Variants in NLGN1 observed in about 807,000 individuals in gnomAD.
NLGN1 encodes the protein neuroligin-1.
NLGN1 carries 12 observed loss-of-function variants against 65.5 expected under a neutral mutation model. The observed-to-expected ratio is 0.18, with a 90% confidence interval of 0.12 to 0.30. The LOEUF (loss-of-function observed/expected upper bound fraction) is 0.30, where lower values mean the gene tolerates loss of function less well. Ranked by LOEUF, NLGN1 falls within the 10% of genes least tolerant of loss-of-function variation. NLGN1 has a pLI of 1.00. For missense variants in NLGN1, 750 were observed against 1,007.1 expected (o/e 0.74, Z 3.46); for synonymous variants, 350 against 359.5 (o/e 0.97, Z 0.30).
At chr3:173,822,706 T>A (rs1434990339) in intron 4 of NLGN1, among the ~76,000 whole-genome samples, 1 of 152,094 alleles carries the variant, frequency 6.6e-6, no homozygotes, top group African/African-American at 2.4e-5. Flanking sequence ...GAAATCTGAA[T>A]CAATGGGTTT....
intron 4 of NLGN1, among the ~76,000 whole-genome samples, chr3:174,145,253 G>A (rs759194225): frequency 3.3e-5 from 5 of 151,990 alleles, no homozygotes; most frequent in Admixed American, 2.6e-4. Context: ...AGTGTCTCAC[G>A]CCTGTAATCA....
chr3:173,420,695 A>G (rs569564405), intron 1 of NLGN1, among the ~76,000 whole-genome samples: 1 of 152,286 alleles, frequency 6.6e-6, no homozygotes, highest in South Asian at 2.1e-4. Flanking sequence ...AGTCCCACCA[A>G]CAGTGTAGTG....
At chr3:173,488,741 T>G (rs1327249129) in intron 2 of NLGN1, among the ~76,000 whole-genome samples, 3 of 152,044 alleles carry the variant, frequency 2.0e-5, no homozygotes, top group Non-Finnish European at 4.4e-5. Flanking sequence ...GGTCTAAGGT[T>G]TGATCTTATT....
chr3:173,807,565 T>C, intron 3 of NLGN1, 115 bp from the exon 4 acceptor site: 1 of 1,195,116 alleles, frequency 8.4e-7, no homozygotes, highest in Admixed American at 2.3e-5. Context: ...AAAACAGCAG[T>C]TTAAGAACTA....
intron 4 of NLGN1, among the ~76,000 whole-genome samples, chr3:173,819,111 T>G (rs1719650882): frequency 6.6e-6 from 1 of 152,068 alleles, no homozygotes; most frequent in Non-Finnish European, 1.5e-5. Context: ...TGTAAACATA[T>G]GGATACTGCT....
chr3:173,884,249 AAAGT>A (rs1281583510), intron 4 of NLGN1, among the ~76,000 whole-genome samples: 2 of 152,168 alleles, frequency 1.3e-5, no homozygotes, highest in African/African-American at 4.8e-5. Flanking sequence ...AAAAAAATAA[AAAGT>A]AAGCCAGAAA....
chr3:173,747,801 C>CTTCTTCTTTTTTTTTT (rs1775714048), intron 3 of NLGN1, among the ~76,000 whole-genome samples: 4 of 64,422 alleles, frequency 6.2e-5, no homozygotes, highest in South Asian at 5.2e-4. Context: ...TCTTCTTGTT[C>CTTCTTCTTTTTTTTTT]TTTTTTTTTT....
chr3:173,514,373 C>T (rs1219497419), intron 2 of NLGN1, among the ~76,000 whole-genome samples: 3 of 152,028 alleles, frequency 2.0e-5, no homozygotes, highest in African/African-American at 7.2e-5. Context: ...GTCTTTTATC[C>T]CTCAACTCCC....
chr3:173,477,409 A>T (rs965239942), intron 2 of NLGN1, among the ~76,000 whole-genome samples: 2 of 152,140 alleles, frequency 1.3e-5, no homozygotes, highest in African/African-American at 4.8e-5. Context: ...AAAGCCAAGC[A>T]TGGTGGCCAG....
At chr3:174,067,061 T>C (rs994430090) in intron 4 of NLGN1, among the ~76,000 whole-genome samples, 41 of 152,168 alleles carry the variant, frequency 2.7e-4, no homozygotes, top group Non-Finnish European at 5.9e-5. Context: ...AATATTTCAC[T>C]GTTTCACTGA....
intron 2 of NLGN1, among the ~76,000 whole-genome samples, chr3:173,490,311 T>C (rs1319165325): frequency 3.3e-5 from 5 of 152,188 alleles, no homozygotes; most frequent in East Asian, 1.9e-4. Flanking sequence ...TTTCTACATA[T>C]GGCTAGCCAG....
intron 4 of NLGN1, among the ~76,000 whole-genome samples, chr3:174,146,605 T>C (rs1352614960): frequency 6.6e-6 from 1 of 151,924 alleles, no homozygotes; most frequent in East Asian, 1.9e-4. Context: ...TTTGCTCTTG[T>C]TGCCCAGGCT....
intron 2 of NLGN1, among the ~76,000 whole-genome samples, chr3:173,473,945 C>T (rs547042713): frequency 2.0e-5 from 3 of 152,144 alleles, no homozygotes; most frequent in Non-Finnish European, 4.4e-5. Context: ...TGGCACAGGG[C>T]TGCTTTTACT....
At chr3:173,422,490 C>A (rs1281091819) in intron 1 of NLGN1, among the ~76,000 whole-genome samples, 2 of 152,132 alleles carry the variant, frequency 1.3e-5, no homozygotes, top group African/African-American at 4.8e-5. Context: ...ATATACCCAG[C>A]AGTAAGATTG....
intron 2 of NLGN1, among the ~76,000 whole-genome samples, chr3:173,529,141 C>A (rs1026121842): frequency 6.6e-6 from 1 of 152,114 alleles, no homozygotes; most frequent in South Asian, 2.1e-4. Context: ...TCCCACCCCA[C>A]CTTGAGGATG....
At chr3:173,517,108 T>C (rs1428159207) in intron 2 of NLGN1, among the ~76,000 whole-genome samples, 1 of 152,098 alleles carries the variant, frequency 6.6e-6, no homozygotes, top group Non-Finnish European at 1.5e-5. Context: ...TAAAAGCTTC[T>C]TCTAGTTTCT....
intron 4 of NLGN1, among the ~76,000 whole-genome samples, chr3:173,906,337 A>G (rs1738380387): frequency 6.6e-6 from 1 of 152,218 alleles, no homozygotes; most frequent in South Asian, 2.1e-4. Flanking sequence ...CTGAAATCTG[A>G]TCTCTTCTAC....
chr3:173,466,651 A>G (rs903176052), intron 2 of NLGN1, among the ~76,000 whole-genome samples: 11 of 152,328 alleles, frequency 7.2e-5, no homozygotes, highest in Non-Finnish European at 1.5e-4. Flanking sequence ...TTTTTGGTGG[A>G]ACCAAAAACT....
chr3:174,216,865 T>C (rs900280010), intron 4 of NLGN1, among the ~76,000 whole-genome samples: 28 of 152,228 alleles, frequency 1.8e-4, no homozygotes, highest in African/African-American at 6.5e-4. Flanking sequence ...ATTAGTGGTA[T>C]TGCTTCTGCA....
Sources: gnomAD v4.1 joint callset for allele counts (sites outside exome capture counted in the v4.1 genomes callset) on GRCh38, gnomAD v4.1.1 for gene constraint, MANE v1.5 for transcripts, NCBI Gene and HGNC (gene_info 2026-07-23, HGNC 2026-07-21) for gene names.